NKAIN2: variants seen among roughly 807,000 people sequenced by gnomAD.
NKAIN2 encodes sodium/potassium-transporting ATPase subunit beta-1-interacting protein 2.
A neutral mutation model predicts 32.6 loss-of-function variants in NKAIN2; 14 were observed. The observed-to-expected ratio is 0.43, with a 90% CI of 0.28 to 0.67. The LOEUF (loss-of-function observed/expected upper bound fraction) is 0.67, where lower values mean the gene tolerates loss of function less well. Among genes scored for constraint, NKAIN2 ranks in the 30% least tolerant of loss-of-function variants. The pLI is 0.17. For missense variants in NKAIN2, 198 were observed against 258.3 expected (o/e 0.77, Z 1.60); for synonymous variants, 80 against 87.2 (o/e 0.92, Z 0.46).
intron 3 of NKAIN2, among the ~76,000 whole-genome samples, chr6:124,474,833 C>CATATATAATATATAAATATATATTTTAT (rs1562207570): frequency 9.9e-6 from 1 of 100,782 alleles, no homozygotes; most frequent in Non-Finnish European, 2.0e-5. Flanking sequence ...ATATATTTTA[C>CATATATAATATATAAATATATATTTTAT]ATACATATAT....
At chr6:124,138,889 A>T (rs1046313282) in intron 1 of NKAIN2, among the ~76,000 whole-genome samples, 13 of 150,868 alleles carry the variant, frequency 8.6e-5, no homozygotes, top group Non-Finnish European at 1.9e-4. Context: ...ATGCAAAGGC[A>T]TAAGAATGAT....
At chr6:124,307,398 C>T (rs1365539927) in intron 2 of NKAIN2, among the ~76,000 whole-genome samples, 1 of 152,112 alleles carries the variant, frequency 6.6e-6, no homozygotes, top group African/African-American at 2.4e-5. Context: ...CCACACGGTA[C>T]TATCTTAAGA....
intron 3 of NKAIN2, among the ~76,000 whole-genome samples, chr6:124,355,729 G>A (rs1798940937): frequency 6.6e-6 from 1 of 152,062 alleles, no homozygotes; most frequent in Admixed American, 6.6e-5. Context: ...TTAAATAACA[G>A]TGCAATAATT....
At chr6:124,115,751 T>C (rs1487596310) in intron 1 of NKAIN2, among the ~76,000 whole-genome samples, 1 of 152,116 alleles carries the variant, frequency 6.6e-6, no homozygotes, top group Non-Finnish European at 1.5e-5. Flanking sequence ...CATTATTTTA[T>C]GTAGCAAACT....
intron 2 of NKAIN2, among the ~76,000 whole-genome samples, chr6:124,284,439 C>T (rs1795451364): frequency 6.6e-6 from 1 of 152,076 alleles, no homozygotes; most frequent in African/African-American, 2.4e-5. Context: ...GTAGTCATTA[C>T]ATTAACTCAT....
intron 2 of NKAIN2, among the ~76,000 whole-genome samples, chr6:124,300,744 G>A (rs1306497979): frequency 6.6e-6 from 1 of 152,184 alleles, no homozygotes; most frequent in Admixed American, 6.6e-5. Context: ...CTCTTGTTAT[G>A]CTTTAGCAAA....
At chr6:124,801,335 T>G (rs981578275) in intron 5 of NKAIN2, among the ~76,000 whole-genome samples, 2 of 152,210 alleles carry the variant, frequency 1.3e-5, no homozygotes, top group African/African-American at 4.8e-5. Context: ...CCCAGAAATA[T>G]GGAATTGTGT....
At chr6:124,000,105 C>G (rs1779809294) in intron 1 of NKAIN2, among the ~76,000 whole-genome samples, 1 of 152,060 alleles carries the variant, frequency 6.6e-6, no homozygotes, top group South Asian at 2.1e-4. Flanking sequence ...ATACTCTGTT[C>G]TTAACATTTC....
intron 1 of NKAIN2, among the ~76,000 whole-genome samples, chr6:123,902,305 G>T (rs1774633658): frequency 6.6e-6 from 1 of 152,068 alleles, no homozygotes; most frequent in Non-Finnish European, 1.5e-5. Flanking sequence ...GAGGATGGAA[G>T]TTTTTGTATT....
In NKAIN2 at chr6:123,932,934, A is replaced by G. The variant is rs573336842; in HGVS notation, c.54+128680A>G. ...TCACCAGTCTGCTATGAACATTTCC[A>G]ACAGATCTCCCTACATTTATTTTAC... is the stretch of plus-strand genomic sequence containing the variant. On this transcript the variant is annotated intron_variant, in intron 1 of 6. Transcript: ENST00000368417. 1.8e-4 allele frequency among the ~76,000 whole-genome samples: 27 copies of G among 152,176 alleles called. No individual in the cohort carries two copies. The South Asian group carries it at 5.0e-3, about 28-fold the overall frequency.
chr6:124,711,181 C>A (rs201134707), intron 4 of NKAIN2, among the ~76,000 whole-genome samples: 23 of 136,476 alleles, frequency 1.7e-4, no homozygotes, highest in Non-Finnish European at 1.9e-4. Flanking sequence ...TGGCTTGTAG[C>A]GTTTCTGCTG....
At chr6:124,029,603 G>T (rs1276332783) in intron 1 of NKAIN2, among the ~76,000 whole-genome samples, 1 of 152,054 alleles carries the variant, frequency 6.6e-6, no homozygotes, top group Admixed American at 6.6e-5. Flanking sequence ...ATCAACCTTG[G>T]TTTAGTTTAG....
chr6:124,510,463 G>T (rs955631909), intron 3 of NKAIN2, among the ~76,000 whole-genome samples: 18 of 152,114 alleles, frequency 1.2e-4, no homozygotes, highest in Non-Finnish European at 2.5e-4. Flanking sequence ...ATGCTTAAAT[G>T]CGTGCTTTCT....
At chr6:123,925,528 A>G (rs1470415886) in intron 1 of NKAIN2, among the ~76,000 whole-genome samples, 2 of 152,152 alleles carry the variant, frequency 1.3e-5, no homozygotes, top group African/African-American at 4.8e-5. Flanking sequence ...TTCATGTATA[A>G]GCCACACCAC....
intron 4 of NKAIN2, among the ~76,000 whole-genome samples, chr6:124,667,847 A>G (rs1441280232): frequency 6.6e-6 from 1 of 152,138 alleles, no homozygotes; most frequent in South Asian, 2.1e-4. Flanking sequence ...AAGCTAAATA[A>G]TTTTTACACA....
chr6:123,955,473 T>G (rs1777531021), intron 1 of NKAIN2, among the ~76,000 whole-genome samples: 1 of 152,052 alleles, frequency 6.6e-6, no homozygotes, highest in African/African-American at 2.4e-5. Flanking sequence ...CACTATTCAT[T>G]CCACAAATTC....
rs776965419 is a variant in NKAIN2, at chr6:124,658,197, T to C, written c.285T>C (p.Leu95=). ...EAGDLSKETD[L]ILTFNISMHR... ...TTGCCTTCTTGCAGGAAACAGACCT[T>C]ATCCTGACTTTTAATATATCAATGC... The change falls in exon 4 of 7, where the codon CTT becomes CTC. Residue 95 remains leucine (L), a synonymous_variant. Transcript: ENST00000368417. The C allele has an allele frequency of 6.2e-7, 1 of 1,604,562 alleles. No homozygotes were observed. Among genetic ancestry groups the C allele is most frequent in the South Asian group, 1.1e-5 (1 of 89,878 alleles).
chr6:124,682,125 G>A (rs1162151556), intron 4 of NKAIN2, among the ~76,000 whole-genome samples: 1 of 151,624 alleles, frequency 6.6e-6, no homozygotes, highest in African/African-American at 2.4e-5. Flanking sequence ...ATTTTCACCA[G>A]TAAAAAATGT....
chr6:124,426,531 TG>T (rs1282339048), intron 3 of NKAIN2, among the ~76,000 whole-genome samples: 1 of 152,156 alleles, frequency 6.6e-6, no homozygotes, highest in Non-Finnish European at 1.5e-5. Flanking sequence ...ACAGACCTTT[TG>T]CCAAAGAAGA....
Sources: allele counts gnomAD v4.1 joint callset (sites outside exome capture counted in the v4.1 genomes callset), GRCh38; gene constraint gnomAD v4.1.1; transcripts MANE v1.5; gene names NCBI Gene and HGNC (gene_info 2026-07-23, HGNC 2026-07-21).